HS3ST3B1: variants seen among roughly 807,000 people sequenced by gnomAD.
The protein encoded by HS3ST3B1 is heparan sulfate glucosamine 3-O-sulfotransferase 3B1.
A neutral mutation model predicts 21.3 loss-of-function variants in HS3ST3B1; 13 were observed. The ratio of observed to expected loss-of-function variants is 0.61; its 90% CI spans 0.40 to 0.97. HS3ST3B1 has a LOEUF of 0.97. Ranked by LOEUF, HS3ST3B1 falls within the 50% of genes least tolerant of loss-of-function variation. The pLI is 0.00. For missense variants in HS3ST3B1, 459 were observed against 554.8 expected (o/e 0.83, Z 1.73); for synonymous variants, 234 against 254.8 (o/e 0.92, Z 0.78).
intron 1 of HS3ST3B1, among the ~76,000 whole-genome samples, chr17:14,313,094 GTGTGTGTGTGTGTGTATATATATATATA>G (rs1909365364): frequency 5.8e-5 from 3 of 51,588 alleles, no homozygotes; most frequent in Non-Finnish European, 1.1e-4. Context: ...TGTGTGTGTG[GTGTGTGTGTGTGTGTATATATATATATA>G]TGTGTGTGTG....
intron 1 of HS3ST3B1, among the ~76,000 whole-genome samples, chr17:14,322,023 A>G (rs1339392452): frequency 2.0e-5 from 3 of 151,386 alleles, no homozygotes; most frequent in African/African-American, 7.3e-5. Context: ...TGTTTATTTC[A>G]TTATAATTTA....
chr17:14,343,591 G>A (rs557957758), intron 1 of HS3ST3B1, among the ~76,000 whole-genome samples: 1 of 152,252 alleles, frequency 6.6e-6, no homozygotes, highest in South Asian at 2.1e-4. Context: ...CACAGGATTT[G>A]TCTTTCTGTG....
At position 14,346,094 on chromosome 17, in the gene HS3ST3B1, G is replaced by T. The variant is rs1910561105; in HGVS notation, c.*448G>T. ...CCTCAACAGGGCTGTATTCTGAAGG[G>T]CAGGCCTCATGCAGCAGCCTCCTTG... On this transcript the variant is annotated 3_prime_UTR_variant, in exon 2 of 2. Transcript: ENST00000360954. The T allele has an allele frequency of 5.9e-6, 1 of 169,084 alleles. No individual in the cohort carries two copies. 10.5% of individuals were successfully genotyped at this position (169,084 alleles called of 1,614,324 possible).
At chr17:14,313,104 G>A (rs1270566392) in intron 1 of HS3ST3B1, among the ~76,000 whole-genome samples, 5 of 101,398 alleles carry the variant, frequency 4.9e-5, no homozygotes, top group African/African-American at 9.3e-5. Flanking sequence ...GTGTGTGTGT[G>A]TGTGTATATA....
intron 1 of HS3ST3B1, among the ~76,000 whole-genome samples, chr17:14,320,949 C>T (rs1909642214): frequency 6.6e-6 from 1 of 152,214 alleles, no homozygotes; most frequent in Admixed American, 6.5e-5. Context: ...GCCCTTCTTA[C>T]TGAGCTCAGC....
chr17:14,315,079 A>C (rs1909454874), intron 1 of HS3ST3B1, among the ~76,000 whole-genome samples: 1 of 152,130 alleles, frequency 6.6e-6, no homozygotes, highest in African/African-American at 2.4e-5. Context: ...TAGTTCCCTA[A>C]CTGGCTTTTC....
chr17:14,302,942 G>T (rs1908991982), intron 1 of HS3ST3B1, among the ~76,000 whole-genome samples: 1 of 152,178 alleles, frequency 6.6e-6, no homozygotes, highest in Non-Finnish European at 1.5e-5. Flanking sequence ...GGGTTGCTTC[G>T]AGGTCGCGGC....
rs914633106 is a variant in HS3ST3B1 at position 14,301,305 on chromosome 17, C to T, written c.-214C>T. The T allele has an allele frequency of 3.1e-4, 152 of 498,114 alleles. No individual in the cohort carries two copies. Among genetic ancestry groups the T allele is most frequent in the Non-Finnish European group, 4.7e-4 (135 of 287,824 alleles). 30.9% of individuals were successfully genotyped at this position (498,114 alleles called of 1,614,324 possible). On this transcript the variant is annotated 5_prime_UTR_variant, in exon 1 of 2. Coordinates refer to ENST00000360954, the MANE Select transcript of HS3ST3B1 (RefSeq NM_006041.3). The stretch of plus-strand genomic sequence containing the variant: ...CCGACTTTCCGTTCCAGTTGCAGCT[C>T]CTGCCGGGCAACATGTCAAGAGCCG...
chr17:14,330,980 C>A (rs897298364), intron 1 of HS3ST3B1, among the ~76,000 whole-genome samples: 2 of 152,186 alleles, frequency 1.3e-5, no homozygotes, highest in South Asian at 2.1e-4. Context: ...ACTTCAACTG[C>A]AGCTGGATTT....
rs1287273434 is a variant in HS3ST3B1 at position 14,338,414 on chromosome 17, A to G, written c.555-6614A>G. The stretch of plus-strand genomic sequence containing the variant: ...GCTAGGATTACAGATGTGAGCCAAC[A>G]CGCCCAGCCCATATACCTTTCTTTG... On this transcript the variant is annotated intron_variant, in intron 1 of 1. Coordinates refer to ENST00000360954, the MANE Select transcript of HS3ST3B1 (RefSeq NM_006041.3). Among the ~76,000 whole-genome samples, 6 of 151,244 alleles carry G rather than the reference A, an allele frequency of 4.0e-5. No individual in the cohort carries two copies. In the South Asian group the frequency reaches 1.0e-3, roughly 26 times the overall value.
At position 14,345,613 on chromosome 17, in the gene HS3ST3B1, C is replaced by T. The variant is rs756163731; in HGVS notation, c.1140C>T (p.Tyr380=). 16 of 1,612,914 alleles carry T rather than the reference C, an allele frequency of 9.9e-6. No individual in the cohort carries two copies. The South Asian group carries it at 1.7e-4, about 17-fold the overall frequency. ...EFYRPFNLKF[Y]QMTGHDFGWD Reference sequence around the variant, plus strand: ...ACCGGCCTTTCAACCTCAAGTTCTACCAGATGACCGGGCACGACTTTGGCT... The same window carrying T: ...ACCGGCCTTTCAACCTCAAGTTCTATCAGATGACCGGGCACGACTTTGGCT... Residue 380 remains tyrosine (Y), a synonymous_variant, in exon 2 of 2, where the codon TAC becomes TAT. Transcript: ENST00000360954.
At chr17:14,341,071 G>A (rs959953124) in intron 1 of HS3ST3B1, among the ~76,000 whole-genome samples, 1 of 152,206 alleles carries the variant, frequency 6.6e-6, no homozygotes, top group Non-Finnish European at 1.5e-5. Context: ...GGGACCAGCA[G>A]GCGGTCGAGC....
Position 14,313,579 on chromosome 17 carries a change from C to CT in HS3ST3B1, c.554+11515dup, listed in dbSNP as rs1314522741. Among the ~76,000 whole-genome samples the CT allele has an allele frequency of 5.0e-4, 76 of 152,124 alleles. 2 individuals are homozygous for CT. In the East Asian group the frequency reaches 8.1e-3, roughly 16 times the overall value. On this transcript the variant is annotated intron_variant, in intron 1 of 1. Transcript: ENST00000360954. ...AAGACTTCCCTCCGTCATTTCTTTT[C>CT]TTTTTTTTGAGACGAAGTTTCGCTC...
At chr17:14,316,116 C>T (rs1909489789) in intron 1 of HS3ST3B1, among the ~76,000 whole-genome samples, 1 of 152,066 alleles carries the variant, frequency 6.6e-6, no homozygotes, top group Admixed American at 6.6e-5. Flanking sequence ...TCCTGTGCTC[C>T]CGCTCTCTCT....
intron 1 of HS3ST3B1, among the ~76,000 whole-genome samples, chr17:14,337,278 C>T (rs1910213061): frequency 6.6e-6 from 1 of 151,230 alleles, no homozygotes; most frequent in South Asian, 2.1e-4. Context: ...AACCAACTCT[C>T]AGAGGGGTGT....
At chr17:14,319,770 A>G (rs1410891850) in intron 1 of HS3ST3B1, among the ~76,000 whole-genome samples, 1 of 152,138 alleles carries the variant, frequency 6.6e-6, no homozygotes, top group East Asian at 1.9e-4. Context: ...ATAGGCTGGA[A>G]GTCAGGAGGG....
intron 1 of HS3ST3B1, chr17:14,329,058 C>G (rs1909899281): frequency 6.6e-6 from 1 of 152,010 alleles, no homozygotes; most frequent in Non-Finnish European, 1.5e-5. Context: ...TGGTTGAGCA[C>G]AAGGGAAGCA....
chr17:14,306,758 A>G (rs376436982), intron 1 of HS3ST3B1, among the ~76,000 whole-genome samples: 2 of 152,162 alleles, frequency 1.3e-5, no homozygotes, highest in African/African-American at 4.8e-5. Context: ...TCCATTTTGA[A>G]GGAATTACAC....
intron 1 of HS3ST3B1, among the ~76,000 whole-genome samples, chr17:14,311,940 C>G (rs1380104338): frequency 3.3e-5 from 5 of 152,092 alleles, no homozygotes; most frequent in African/African-American, 1.2e-4. Flanking sequence ...ATTAGTCCTA[C>G]TAAATTACTA....
Sources: gnomAD v4.1 joint callset for allele counts (sites outside exome capture counted in the v4.1 genomes callset) on GRCh38, gnomAD v4.1.1 for gene constraint, MANE v1.5 for transcripts, NCBI Gene and HGNC (gene_info 2026-07-23, HGNC 2026-07-21) for gene names.